The following CFAP91 variants were observed in gnomAD, a reference collection of about 807,000 sequenced individuals.
CFAP91 encodes the protein cilia and flagella associated protein 91.
Under a neutral mutation model 95.9 loss-of-function variants are expected in CFAP91, and 85 were observed. The observed-to-expected ratio is 0.89, with a 90% CI of 0.74 to 1.06. The LOEUF (loss-of-function observed/expected upper bound fraction) is 1.06. CFAP91 is among the 50% of genes least tolerant of loss of function. CFAP91 has a pLI of 0.00. For synonymous variants in CFAP91, 335 were observed against 327.5 expected (o/e 1.02, Z -0.25); for missense variants, 962 against 943.4 (o/e 1.02, Z -0.26).
At chr3:119,727,850 A>G (rs1359337762) in intron 7 of CFAP91, among the ~76,000 whole-genome samples, 1 of 152,198 alleles carries the variant, frequency 6.6e-6, no homozygotes, top group Admixed American at 6.5e-5. Context: ...GCCATCAGGC[A>G]GATAGTAGTA....
At chr3:119,714,398 G>A (rs2053537243) in intron 5 of CFAP91, among the ~76,000 whole-genome samples, 1 of 151,124 alleles carries the variant, frequency 6.6e-6, no homozygotes, top group Admixed American at 6.6e-5. Context: ...AAGAAACGCT[G>A]GAGCAAAGCG....
chr3:119,706,719 C>T (rs2053370871), intron 1 of CFAP91, 90 bp from the exon 2 acceptor site: 1 of 985,566 alleles, frequency 1.0e-6, no homozygotes. Context: ...ATTTGTTTTC[C>T]AATTAAGAGA....
chr3:119,735,913 A>G (rs1424083137), intron 10 of CFAP91, among the ~76,000 whole-genome samples: 1 of 147,012 alleles, frequency 6.8e-6, no homozygotes, highest in Non-Finnish European at 1.5e-5. Context: ...TGCTCTTCTT[A>G]TACTTATATC....
intron 10 of CFAP91, among the ~76,000 whole-genome samples, chr3:119,736,428 C>T (rs1426557111): frequency 5.3e-5 from 8 of 151,564 alleles, no homozygotes; most frequent in Non-Finnish European, 7.4e-5. Context: ...CCCACCACCA[C>T]GCCTGGCTAA....
At chr3:119,728,451 C>CA (rs146027211) in intron 7 of CFAP91, among the ~76,000 whole-genome samples, 5,512 of 152,260 alleles carry the variant, frequency 0.036, 336 homozygotes, top group African/African-American at 0.13. Context: ...TACATTAACT[C>CA]ACGTAATGCT....
chr3:119,760,684 A>G (rs2054522507), intron 17 of CFAP91, among the ~76,000 whole-genome samples: 1 of 151,824 alleles, frequency 6.6e-6, no homozygotes, highest in African/African-American at 2.4e-5. Context: ...ATTTTTTCCA[A>G]CCACTGTGGT....
rs2054099456 is a variant in CFAP91 at position 119,740,660 on chromosome 3, G to A, written c.1645G>A (p.Ala549Thr). Reference protein sequence around the residue: ...VKKAEKQVTLALQRQRNLHEH... With the variant: ...VKKAEKQVTLTLQRQRNLHEH... ...AAAAGCCGAGAAGCAAGTGACCCTG[G>A]CCTTACAGCGGCAGAGGAACTTGCA... is the stretch of plus-strand genomic sequence containing the variant. The change falls in exon 13 of 18, where the codon GCC becomes ACC. Residue 549 changes from alanine (A) to threonine (T), a missense_variant. Transcript: ENST00000273390. The A allele has an allele frequency of 6.2e-7, 1 of 1,614,164 alleles. No homozygotes were observed. Among genetic ancestry groups the A allele is most frequent in the Non-Finnish European group, 8.5e-7 (1 of 1,180,024 alleles).
At chr3:119,726,411 A>G (rs977720011) in intron 7 of CFAP91, 63 bp downstream of exon 7, 18 of 1,424,730 alleles carry the variant, frequency 1.3e-5, no homozygotes, top group Non-Finnish European at 1.6e-5. Context: ...AATACTTTAT[A>G]TCTGCAAAGC....
chr3:119,730,963 G>A (rs181830769), intron 8 of CFAP91, among the ~76,000 whole-genome samples: 4 of 152,284 alleles, frequency 2.6e-5, no homozygotes, highest in Non-Finnish European at 4.4e-5. Context: ...AAGGCCGAGA[G>A]AGGTAGCTCA....
Position 119,730,373 on chromosome 3 carries a change from A to G in CFAP91, c.1014A>G (p.Val338=), listed in dbSNP as rs1259917169. The change falls in exon 8 of 18, where the codon GTA becomes GTG. Residue 338 remains valine, a synonymous_variant. Coordinates refer to ENST00000273390, the MANE Select transcript of CFAP91 (RefSeq NM_033364.4). ...AKMAKIQRTH[V]STIRKLVGKR... is the part of the protein sequence containing the mutation. Reference sequence around the variant, plus strand: ...TGGCAAAAATTCAGCGCACGCATGTATCAAGTAATGGTGTAGTATGAACAA... The same window carrying G: ...TGGCAAAAATTCAGCGCACGCATGTGTCAAGTAATGGTGTAGTATGAACAA... 6.2e-7 allele frequency: 1 copy of G among 1,613,904 alleles called. No homozygotes were observed. The highest frequency in any genetic ancestry group is 8.5e-7 in the Non-Finnish European group (1 of 1,179,886).
intron 17 of CFAP91, among the ~76,000 whole-genome samples, chr3:119,757,955 A>G (rs928096496): frequency 6.6e-6 from 1 of 152,138 alleles, no homozygotes; most frequent in Admixed American, 6.5e-5. Flanking sequence ...TTAATGAGTT[A>G]TGTCAGTAAT....
intron 3 of CFAP91, among the ~76,000 whole-genome samples, chr3:119,708,034 C>T (rs572252547): frequency 6.6e-6 from 1 of 152,160 alleles, no homozygotes; most frequent in South Asian, 2.1e-4. Context: ...GTAATCCCAG[C>T]ACTTTGGGAG....
chr3:119,753,050 TTTAAAAATACA>T (rs2054355289), intron 17 of CFAP91, among the ~76,000 whole-genome samples: 2 of 152,142 alleles, frequency 1.3e-5, no homozygotes, highest in African/African-American at 4.8e-5. Flanking sequence ...AAAATACATA[TTTAAAAATACA>T]TATTTTTAAT....
chr3:119,706,951 T>C lies in CFAP91; in HGVS notation c.201+66T>C, dbSNP rs562504993. ...AACCATCTAGTTTGCCTGACTGCAT[T>C]GATCAGATTGACTAATCACCAAATC... On this transcript the variant is annotated intron_variant, in intron 2 of 17. Transcript: ENST00000273390. The C allele has an allele frequency of 1.4e-4, 176 of 1,216,480 alleles. 3 individuals carry two copies. The South Asian group carries it at 2.1e-3, about 14-fold the overall frequency. The allele number at this position is 1,216,480 out of a possible 1,614,324, so 75.4% of individuals were successfully genotyped here.
intron 6 of CFAP91, among the ~76,000 whole-genome samples, chr3:119,717,550 G>GTT (rs1553706267): frequency 6.9e-5 from 9 of 130,160 alleles, no homozygotes; most frequent in Admixed American, 1.5e-4. Flanking sequence ...AAATACGTTG[G>GTT]TTTTTTTTTT....
At chr3:119,754,904 C>G (rs1353845055) in intron 17 of CFAP91, among the ~76,000 whole-genome samples, 6 of 152,240 alleles carry the variant, frequency 3.9e-5, no homozygotes, top group South Asian at 2.1e-4. Context: ...AAGCAAGACA[C>G]TAAGCCAAAG....
intron 15 of CFAP91, 56 bp from the exon 16 acceptor site, chr3:119,747,755 C>T: frequency 4.2e-6 from 6 of 1,439,864 alleles, no homozygotes; most frequent in Non-Finnish European, 5.8e-6. Flanking sequence ...AAGCATAAAT[C>T]AGCAGCTCAA....
At chr3:119,743,477 A>G (rs983890446) in intron 13 of CFAP91, among the ~76,000 whole-genome samples, 3 of 152,200 alleles carry the variant, frequency 2.0e-5, no homozygotes, top group Non-Finnish European at 4.4e-5. Context: ...AAAAGTAAAA[A>G]GTACCAAGGT....
At chr3:119,734,057 C>T (rs747744613) in intron 10 of CFAP91, among the ~76,000 whole-genome samples, 1 of 152,156 alleles carries the variant, frequency 6.6e-6, no homozygotes, top group African/African-American at 2.4e-5. Context: ...TCCTGTGCAT[C>T]AGAATCTCAT....
Sources: gnomAD v4.1 joint callset for allele counts (sites outside exome capture counted in the v4.1 genomes callset) on GRCh38, gnomAD v4.1.1 for gene constraint, MANE v1.5 for transcripts, NCBI Gene and HGNC (gene_info 2026-07-23, HGNC 2026-07-21) for gene names.